LMNTD1: variants seen among roughly 807,000 people sequenced by gnomAD.
LMNTD1 encodes the protein lamin tail domain-containing protein 1.
Under a neutral mutation model 50.9 loss-of-function variants are expected in LMNTD1, and 35 were observed. The ratio of observed to expected loss-of-function variants is 0.69; its 90% CI spans 0.53 to 0.91. The LOEUF is 0.91. Ranked by LOEUF, LMNTD1 falls within the 40% of genes least tolerant of loss-of-function variation. The pLI, the probability that LMNTD1 is intolerant of heterozygous loss-of-function variation, is 0.00. For missense variants in LMNTD1, 470 were observed against 475.5 expected (o/e 0.99, Z 0.11); for synonymous variants, 153 against 161.9 (o/e 0.94, Z 0.42).
chr12:25,643,554 T>C (rs1050555084), intron 1 of LMNTD1, among the ~76,000 whole-genome samples: 3 of 152,226 alleles, frequency 2.0e-5, no homozygotes, highest in Admixed American at 2.0e-4. Flanking sequence ...AGATTTTCCT[T>C]TCAACTCATT....
At chr12:25,523,951 A>G (rs1941526243) in intron 6 of LMNTD1, among the ~76,000 whole-genome samples, 1 of 152,222 alleles carries the variant, frequency 6.6e-6, no homozygotes, top group Non-Finnish European at 1.5e-5. Flanking sequence ...GGAGCAGTCA[A>G]GCACTGGAAA....
intron 1 of LMNTD1, among the ~76,000 whole-genome samples, chr12:25,563,345 G>A (rs1038443037): frequency 2.0e-5 from 3 of 152,170 alleles, no homozygotes; most frequent in Non-Finnish European, 4.4e-5. Context: ...CTTTCTGTTT[G>A]TTAGTTTTCC....
At chr12:25,577,800 G>C (rs1945097043) in intron 1 of LMNTD1, among the ~76,000 whole-genome samples, 1 of 152,192 alleles carries the variant, frequency 6.6e-6, no homozygotes, top group African/African-American at 2.4e-5. Flanking sequence ...TGCCCATTCA[G>C]TATGATATTG....
chr12:25,551,308 A>G (rs991484260), intron 2 of LMNTD1, among the ~76,000 whole-genome samples: 10 of 152,226 alleles, frequency 6.6e-5, no homozygotes, highest in Non-Finnish European at 1.3e-4. Flanking sequence ...AGAAGGCTTA[A>G]CAAAATCTTT....
chr12:25,529,068 T>G (rs1254629808), intron 4 of LMNTD1, among the ~76,000 whole-genome samples: 1 of 152,190 alleles, frequency 6.6e-6, no homozygotes, highest in African/African-American at 2.4e-5. Flanking sequence ...GAGTGGCAAC[T>G]GTTAGTCTAT....
At chr12:25,484,181 A>G (rs1359613801) in intron 9 of LMNTD1, among the ~76,000 whole-genome samples, 1 of 152,036 alleles carries the variant, frequency 6.6e-6, no homozygotes, top group Non-Finnish European at 1.5e-5. Flanking sequence ...ACTTCTTTCT[A>G]AATTATTTTT....
chr12:25,589,395 C>T (rs900754215), intron 1 of LMNTD1, among the ~76,000 whole-genome samples: 2 of 152,024 alleles, frequency 1.3e-5, no homozygotes, highest in Non-Finnish European at 2.9e-5. Context: ...GGTAAAACTG[C>T]AAAGGAAAGC....
At position 25,552,902 on chromosome 12, in the gene LMNTD1, C is replaced by A. The variant is rs140305992; in HGVS notation, c.58G>T (p.Glu20Ter). The A allele has an allele frequency of 6.4e-7, 1 of 1,552,294 alleles. No homozygotes were observed. The highest frequency in any genetic ancestry group is 8.7e-7 in the Non-Finnish European group (1 of 1,146,794). The change falls in exon 2 of 10, where the codon GAG (glutamate) becomes TAG (stop). Residue 20 changes from glutamate (E) to a stop codon, truncating the protein, a stop_gained. Transcript: ENST00000458174. LOFTEE classifies it high-confidence loss of function. ...ASKAMQNKVH[E>*]QEDKNEKQKQ... ...TGTTTCTCATTCTTATCTTCCTGCT[C>A]ATGGACTTTATTCTGCATTGCCTTC...
intron 6 of LMNTD1, among the ~76,000 whole-genome samples, chr12:25,520,471 A>G (rs115851782): frequency 0.052 from 7,923 of 152,198 alleles, 658 homozygotes; most frequent in African/African-American, 0.17. Flanking sequence ...AAGTGAGATC[A>G]TGCAACATTT....
At chr12:25,606,225 G>C (rs1946098324) in intron 1 of LMNTD1, among the ~76,000 whole-genome samples, 1 of 152,182 alleles carries the variant, frequency 6.6e-6, no homozygotes, top group South Asian at 2.1e-4. Flanking sequence ...AGCTTAAGGA[G>C]ATTTTGGGCT....
chr12:25,561,694 C>T (rs1432089415), intron 1 of LMNTD1, among the ~76,000 whole-genome samples: 2 of 152,036 alleles, frequency 1.3e-5, no homozygotes, highest in Admixed American at 6.6e-5. Flanking sequence ...CCTGGATATC[C>T]TTGTTAACTT....
chr12:25,518,964 C>T lies in LMNTD1; in HGVS notation c.1020G>A (p.Glu340=). Residue 340 remains glutamate (E), a synonymous_variant, in exon 8 of 10, where the codon GAG becomes GAA. Transcript: ENST00000458174. ...VEQAQVLLKR[E]KEIPPTVFPN... is the part of the protein sequence containing the mutation. ...GGAAAACGGTTGGTGGGATTTCCTT[C>T]TCTCTGTAAAAGAAAAAAGCCTAAA... 6.2e-7 allele frequency: 1 copy of T among 1,613,918 alleles called. No homozygotes were observed. The highest frequency in any genetic ancestry group is 8.5e-7 in the Non-Finnish European group (1 of 1,179,916).
At chr12:25,628,139 G>T (rs1486435459) in intron 1 of LMNTD1, among the ~76,000 whole-genome samples, 2 of 115,126 alleles carry the variant, frequency 1.7e-5, no homozygotes, top group Non-Finnish European at 3.6e-5. Flanking sequence ...AAAAAAAAAA[G>T]GCAAAGGATG....
At chr12:25,501,133 G>A (rs1565943515) in intron 9 of LMNTD1, among the ~76,000 whole-genome samples, 2 of 152,092 alleles carry the variant, frequency 1.3e-5, no homozygotes, top group Admixed American at 6.5e-5. Context: ...GGGACTACAG[G>A]AATGTGCAAC....
At chr12:25,579,662 TCTCCATCTCC>T (rs1306728987) in intron 1 of LMNTD1, among the ~76,000 whole-genome samples, 1 of 152,178 alleles carries the variant, frequency 6.6e-6, no homozygotes, top group African/African-American at 2.4e-5. Context: ...GGAGATGTTA[TCTCCATCTCC>T]CTGTGCTATC....
At chr12:25,548,968 T>G (rs1943593079) in intron 3 of LMNTD1, among the ~76,000 whole-genome samples, 1 of 152,040 alleles carries the variant, frequency 6.6e-6, no homozygotes, top group South Asian at 2.1e-4. Context: ...CCTTCTGGTA[T>G]TTAATCCTTC....
chr12:25,481,865 T>TCACACACACA lies in LMNTD1; in HGVS notation c.*23-5415_*23-5406dup, dbSNP rs138084240. On this transcript the variant is annotated intron_variant, in intron 9 of 9. Transcript: ENST00000458174. ...CAACATATAGTAATATATTGCCTCT[T>TCACACACACA]CACACACACACACACACACACACAC... Among the ~76,000 whole-genome samples the TCACACACACA allele has an allele frequency of 1.9e-3, 255 of 132,698 alleles. 2 individuals are homozygous for TCACACACACA. Among genetic ancestry groups the TCACACACACA allele is most frequent in the East Asian group, 3.5e-3 (16 of 4,636 alleles). The allele number at this position is 132,698 out of a possible 152,430, so 87.1% of individuals were successfully genotyped here. A position where few individuals can be genotyped will look rare whatever the true frequency, so the allele number is the denominator to read the frequency against.
At chr12:25,477,674 C>T (rs1424811345) in intron 9 of LMNTD1, among the ~76,000 whole-genome samples, 2 of 151,984 alleles carry the variant, frequency 1.3e-5, no homozygotes, top group African/African-American at 4.8e-5. Context: ...AACTTTCATT[C>T]CTGAAGGGCC....
upstream of LMNTD1, among the ~76,000 whole-genome samples, chr12:25,556,145 G>A (rs1944033849): frequency 6.6e-6 from 1 of 151,896 alleles, no homozygotes; most frequent in Non-Finnish European, 1.5e-5. Context: ...GCCAATTTTT[G>A]TATTTTTAGT....
Sources: allele counts gnomAD v4.1 joint callset (sites outside exome capture counted in the v4.1 genomes callset), GRCh38; gene constraint gnomAD v4.1.1; transcripts MANE v1.5; gene names NCBI Gene and HGNC (gene_info 2026-07-23, HGNC 2026-07-21).